Variants in PATJ observed in about 807,000 individuals in gnomAD.
PATJ encodes inaD-like protein.
PATJ carries 190 observed loss-of-function variants against 224.9 expected under a neutral mutation model. The observed-to-expected ratio is 0.84, with a 90% CI of 0.75 to 0.95. PATJ has a LOEUF of 0.95. Among genes scored for constraint, PATJ ranks in the 40% least tolerant of loss-of-function variants. The probability of loss-of-function intolerance (pLI) is 0.00; values close to 1 mark genes in which losing one functional copy is unlikely to be tolerated. For missense variants in PATJ, 2,121 were observed against 2,270.3 expected (o/e 0.93, Z 1.34); for synonymous variants, 769 against 820.3 (o/e 0.94, Z 1.07).
At chr1:62,125,407 T>C (rs1338752154) in intron 39 of PATJ, among the ~76,000 whole-genome samples, 1 of 152,126 alleles carries the variant, frequency 6.6e-6, no homozygotes, top group East Asian at 1.9e-4. Flanking sequence ...GTAATGTCTT[T>C]AGCATAGCAC....
At position 62,108,521 on chromosome 1, in the gene PATJ, G is replaced by GTA. The variant is rs764550433; in HGVS notation, c.4461+5_4461+6dup. The GTA allele has an allele frequency of 1.3e-6, 2 of 1,590,122 alleles. No individual in the cohort carries two copies. The highest frequency in any genetic ancestry group is 1.1e-5 in the South Asian group (1 of 88,946). On this transcript the variant is annotated splice_donor_variant, in intron 34 of 43. Coordinates refer to ENST00000642238, the MANE Select transcript of PATJ (RefSeq NM_001350145.3). LOFTEE classifies it high-confidence loss of function. ...TTGGGCTGGTGACCAGATATTAGAG[G>GTA]TATATGGTTTTGAATTTTATTTTAT...
chr1:61,940,112 T>C (rs937251693), intron 27 of PATJ, among the ~76,000 whole-genome samples: 1 of 152,186 alleles, frequency 6.6e-6, no homozygotes, highest in Non-Finnish European at 1.5e-5. Context: ...GCAATTGTAG[T>C]AATATATATT....
intron 34 of PATJ, among the ~76,000 whole-genome samples, chr1:62,113,784 T>C (rs1026817783): frequency 2.6e-5 from 4 of 152,242 alleles, no homozygotes; most frequent in Non-Finnish European, 4.4e-5. Flanking sequence ...CTCCTGTCTC[T>C]TTCATTGATT....
chr1:61,802,275 G>C (rs1365797245), intron 12 of PATJ, among the ~76,000 whole-genome samples: 1 of 152,092 alleles, frequency 6.6e-6, no homozygotes, highest in East Asian at 1.9e-4. Context: ...TGTATTTTTA[G>C]TAGAGATGGG....
intron 28 of PATJ, among the ~76,000 whole-genome samples, chr1:61,998,436 A>G (rs1216141846): frequency 1.3e-5 from 2 of 152,012 alleles, no homozygotes; most frequent in African/African-American, 2.4e-5. Flanking sequence ...TGTATCGCCC[A>G]GGCTAATCTC....
intron 31 of PATJ, among the ~76,000 whole-genome samples, chr1:62,061,688 C>T (rs1164457009): frequency 6.7e-6 from 1 of 149,318 alleles, no homozygotes; most frequent in African/African-American, 2.6e-5. Context: ...GAGATGGAGT[C>T]TCACTCTGTG....
chr1:62,003,355 C>G (rs1189560380), intron 28 of PATJ, among the ~76,000 whole-genome samples: 1 of 152,158 alleles, frequency 6.6e-6, no homozygotes, highest in East Asian at 1.9e-4. Context: ...TACTCTTTTC[C>G]CAATATAACA....
intron 27 of PATJ, among the ~76,000 whole-genome samples, chr1:61,976,279 A>G (rs1453076949): frequency 6.6e-6 from 1 of 152,058 alleles, no homozygotes; most frequent in African/African-American, 2.4e-5. Flanking sequence ...CCCAAACCTG[A>G]AACCCAAATC....
chr1:62,143,397 G>A (rs1473597399), intron 41 of PATJ, among the ~76,000 whole-genome samples: 1 of 149,054 alleles, frequency 6.7e-6, no homozygotes, highest in Non-Finnish European at 1.5e-5. Flanking sequence ...TTAAAATGCA[G>A]ATGTCAAGTT....
intron 14 of PATJ, among the ~76,000 whole-genome samples, chr1:61,814,550 G>A (rs1054278455): frequency 2.3e-4 from 31 of 137,528 alleles, no homozygotes; most frequent in Non-Finnish European, 4.6e-5. Context: ...GTGTGTGTGC[G>A]CGCGCGCGCG....
At chr1:62,128,617 T>A (rs939307203) in intron 40 of PATJ, among the ~76,000 whole-genome samples, 3 of 152,238 alleles carry the variant, frequency 2.0e-5, no homozygotes, top group African/African-American at 7.2e-5. Context: ...CTACTGTGCC[T>A]TTTAATAATC....
At chr1:61,794,518 A>G (rs1015067478) in intron 9 of PATJ, among the ~76,000 whole-genome samples, 8 of 152,168 alleles carry the variant, frequency 5.3e-5, no homozygotes, top group South Asian at 2.1e-4. Flanking sequence ...TTATTTTCCA[A>G]TTTCCCTTCC....
At chr1:62,060,924 T>C (rs989590263) in intron 31 of PATJ, among the ~76,000 whole-genome samples, 1 of 152,160 alleles carries the variant, frequency 6.6e-6, no homozygotes, top group African/African-American at 2.4e-5. Flanking sequence ...ACTCCTGATC[T>C]CAGAGGGTTT....
At chr1:61,813,356 TATATATATATATATATATATATAC>T (rs1156257169) in intron 14 of PATJ, among the ~76,000 whole-genome samples, 22 of 49,376 alleles carry the variant, frequency 4.5e-4, no homozygotes, top group African/African-American at 1.2e-3. Context: ...TATATATATA[TATATATATATATATATATATATAC>T]ACACACACAC....
intron 20 of PATJ, among the ~76,000 whole-genome samples, chr1:61,866,728 G>A (rs1055630500): frequency 1.3e-5 from 2 of 152,102 alleles, no homozygotes; most frequent in Admixed American, 6.5e-5. Context: ...GAGGGTTCTT[G>A]GACCTCGCAC....
chr1:61,846,517 C>T (rs1032058306), intron 17 of PATJ, among the ~76,000 whole-genome samples: 2 of 152,146 alleles, frequency 1.3e-5, no homozygotes, highest in African/African-American at 4.8e-5. Context: ...TTGTAAGGTA[C>T]ACTTAACATA....
intron 28 of PATJ, among the ~76,000 whole-genome samples, chr1:62,005,712 G>A (rs1019394629): frequency 6.6e-6 from 1 of 152,072 alleles, no homozygotes; most frequent in African/African-American, 2.4e-5. Context: ...GCTACAGTGA[G>A]CTATGATTGT....
rs939487054 is a variant in PATJ, at chr1:62,163,872, T to A, written c.*2818T>A. 6.6e-6 allele frequency: 1 copy of A among 152,146 alleles called. No individual in the cohort carries two copies. The highest frequency in any genetic ancestry group is 2.4e-5 in the African/African-American group (1 of 41,442). 9.4% of individuals were successfully genotyped at this position (152,146 alleles called of 1,614,324 possible). A position where few individuals can be genotyped will look rare whatever the true frequency, so the allele number is the denominator to read the frequency against. On this transcript the variant is annotated 3_prime_UTR_variant, in exon 44 of 44. Coordinates refer to ENST00000642238, the MANE Select transcript of PATJ (RefSeq NM_001350145.3). The stretch of plus-strand genomic sequence containing the variant: ...TAAAACTGCTGAATGTTTGTATGTG[T>A]AAGATATTTCCAAAGATTCTAAATA...
At chr1:61,767,516 G>T (rs1292456515) in intron 4 of PATJ, among the ~76,000 whole-genome samples, 1 of 152,106 alleles carries the variant, frequency 6.6e-6, no homozygotes, top group African/African-American at 2.4e-5. Flanking sequence ...TTCAGCCTGG[G>T]TGACAGAGCC....
Sources: allele counts gnomAD v4.1 joint callset (sites outside exome capture counted in the v4.1 genomes callset), GRCh38; gene constraint gnomAD v4.1.1; transcripts MANE v1.5; gene names NCBI Gene and HGNC (gene_info 2026-07-23, HGNC 2026-07-21).